Variants in SPOCK3 observed in about 807,000 individuals in gnomAD.
The protein encoded by SPOCK3 is testican-3.
Under a neutral mutation model 56.6 loss-of-function variants are expected in SPOCK3, and 30 were observed. The ratio of observed to expected loss-of-function variants is 0.53; its 90% CI spans 0.40 to 0.72. SPOCK3 has a LOEUF of 0.72. SPOCK3 is among the 30% of genes least tolerant of loss of function. The pLI is 0.00. For synonymous variants in SPOCK3, 196 were observed against 183.3 expected (o/e 1.07, Z -0.56); for missense variants, 527 against 530.0 (o/e 0.99, Z 0.06).
At chr4:166,963,119 A>AT (rs1266254525) in intron 4 of SPOCK3, among the ~76,000 whole-genome samples, 3 of 151,914 alleles carry the variant, frequency 2.0e-5, no homozygotes, top group East Asian at 1.9e-4. Flanking sequence ...TTAATTCCTG[A>AT]TTTTTTTAAG....
At chr4:167,141,991 G>A (rs1025076815) in intron 2 of SPOCK3, among the ~76,000 whole-genome samples, 1 of 151,922 alleles carries the variant, frequency 6.6e-6, no homozygotes, top group Non-Finnish European at 1.5e-5. Flanking sequence ...CAGCAACACT[G>A]GAAGGAAGAT....
At chr4:167,107,501 C>T (rs1760266792) in intron 2 of SPOCK3, among the ~76,000 whole-genome samples, 1 of 151,852 alleles carries the variant, frequency 6.6e-6, no homozygotes, top group Non-Finnish European at 1.5e-5. Context: ...AATACCTCAA[C>T]ATAATAGAAT....
chr4:166,948,417 A>AT (rs1742058530), intron 4 of SPOCK3, among the ~76,000 whole-genome samples: 1 of 152,046 alleles, frequency 6.6e-6, no homozygotes, highest in Non-Finnish European at 1.5e-5. Flanking sequence ...CAAGTTTTAT[A>AT]TTTTTTTGAG....
chr4:166,789,353 C>T (rs187266600), intron 7 of SPOCK3, among the ~76,000 whole-genome samples: 2 of 151,994 alleles, frequency 1.3e-5, no homozygotes, highest in Non-Finnish European at 2.9e-5. Flanking sequence ...CACCTGAACA[C>T]TGGAGGGAGA....
intron 4 of SPOCK3, among the ~76,000 whole-genome samples, chr4:166,948,896 C>T (rs935084459): frequency 1.3e-5 from 2 of 152,050 alleles, no homozygotes; most frequent in African/African-American, 2.4e-5. Flanking sequence ...GCCTGCCTTG[C>T]TAGATTGGGG....
At chr4:166,791,298 T>A (rs961523472) in intron 7 of SPOCK3, among the ~76,000 whole-genome samples, 1 of 152,198 alleles carries the variant, frequency 6.6e-6, no homozygotes, top group African/African-American at 2.4e-5. Flanking sequence ...AGGATTATCT[T>A]ACTACACCAT....
chr4:167,026,676 TGATA>T (rs1294805137), intron 3 of SPOCK3, among the ~76,000 whole-genome samples: 3 of 152,062 alleles, frequency 2.0e-5, no homozygotes, highest in Non-Finnish European at 2.9e-5. Flanking sequence ...ACAAATTAAT[TGATA>T]AAGTGAAAAT....
At chr4:167,181,759 T>C (rs1229565602) in intron 2 of SPOCK3, among the ~76,000 whole-genome samples, 2 of 152,232 alleles carry the variant, frequency 1.3e-5, no homozygotes, top group African/African-American at 4.8e-5. Flanking sequence ...TACTCAGTAG[T>C]TGCATTTGCA....
intron 2 of SPOCK3, among the ~76,000 whole-genome samples, chr4:167,216,861 G>C (rs1735414101): frequency 6.6e-6 from 1 of 152,052 alleles, no homozygotes; most frequent in African/African-American, 2.4e-5. Context: ...TTTTGGCCCA[G>C]AAGATTAGCT....
At chr4:166,995,503 A>C (rs1322634931) in intron 4 of SPOCK3, among the ~76,000 whole-genome samples, 2 of 152,062 alleles carry the variant, frequency 1.3e-5, no homozygotes, top group Non-Finnish European at 1.5e-5. Context: ...TAATTATGGA[A>C]AAAATGTATA....
intron 9 of SPOCK3, 68 bp downstream of exon 9, chr4:166,741,929 A>T: frequency 9.3e-7 from 1 of 1,076,228 alleles, no homozygotes; most frequent in South Asian, 1.3e-5. Context: ...TATTGATTTT[A>T]TGTTGCTGTT....
intron 3 of SPOCK3, among the ~76,000 whole-genome samples, chr4:167,057,044 A>G (rs1379866510): frequency 5.3e-5 from 8 of 152,136 alleles, no homozygotes; most frequent in South Asian, 2.1e-4. Flanking sequence ...GAGAAAGGTC[A>G]GGTTACCCAC....
At chr4:167,137,045 C>T (rs1377624463) in intron 2 of SPOCK3, among the ~76,000 whole-genome samples, 1 of 151,884 alleles carries the variant, frequency 6.6e-6, no homozygotes, top group East Asian at 1.9e-4. Flanking sequence ...TAATAGCTAC[C>T]CCAAATAGCC....
chr4:167,168,162 T>G (rs2150458565), intron 2 of SPOCK3, among the ~76,000 whole-genome samples: 1 of 152,260 alleles, frequency 6.6e-6, no homozygotes, highest in South Asian at 2.1e-4. Flanking sequence ...CAGTCTTGGG[T>G]ATGCCTTTAC....
chr4:167,119,298 T>C (rs1003850737), intron 2 of SPOCK3, among the ~76,000 whole-genome samples: 2 of 152,086 alleles, frequency 1.3e-5, no homozygotes, highest in African/African-American at 4.8e-5. Context: ...ATCTCTCACA[T>C]AGAGGGTGTG....
chr4:167,148,249 C>G (rs893718882), intron 2 of SPOCK3, among the ~76,000 whole-genome samples: 1 of 151,970 alleles, frequency 6.6e-6, no homozygotes, highest in Admixed American at 6.6e-5. Flanking sequence ...TGGGTAGAGA[C>G]CAGAGATGCC....
chr4:166,799,385 C>T (rs537185651), intron 6 of SPOCK3, among the ~76,000 whole-genome samples: 42 of 152,180 alleles, frequency 2.8e-4, no homozygotes, highest in African/African-American at 9.2e-4. Context: ...ACCAATGGAT[C>T]AAGGAGTAAC....
At chr4:167,130,571 T>C (rs1433425076) in intron 2 of SPOCK3, among the ~76,000 whole-genome samples, 2 of 152,166 alleles carry the variant, frequency 1.3e-5, no homozygotes, top group Admixed American at 6.5e-5. Flanking sequence ...TTAGATGTTT[T>C]TGTACTTAAT....
At chr4:166,905,718 T>C (rs977246057) in intron 5 of SPOCK3, among the ~76,000 whole-genome samples, 1 of 151,938 alleles carries the variant, frequency 6.6e-6, no homozygotes, top group Non-Finnish European at 1.5e-5. Context: ...AAGGATATTA[T>C]ATGTAAAAAA....
Sources: allele counts gnomAD v4.1 joint callset (sites outside exome capture counted in the v4.1 genomes callset), GRCh38; gene constraint gnomAD v4.1.1; transcripts MANE v1.5; gene names NCBI Gene and HGNC (gene_info 2026-07-23, HGNC 2026-07-21).